Variants in ZNF512 observed in about 807,000 individuals in gnomAD.
ZNF512 encodes zinc finger protein 512.
A neutral mutation model predicts 77.5 loss-of-function variants in ZNF512; 25 were observed. The observed-to-expected ratio is 0.32, with a 90% CI of 0.23 to 0.45. The LOEUF (loss-of-function observed/expected upper bound fraction) is 0.45, where lower values mean the gene tolerates loss of function less well. Ranked by LOEUF, ZNF512 falls within the 20% of genes least tolerant of loss-of-function variation. The pLI is 1.00. For missense variants in ZNF512, 483 were observed against 692.6 expected (o/e 0.70, Z 3.40); for synonymous variants, 246 against 239.9 (o/e 1.03, Z -0.24).
chr2:27,617,356 C>T, intron 12 of ZNF512, 117 bp from the exon 13 acceptor site: 4 of 640,962 alleles, frequency 6.2e-6, no homozygotes, highest in Admixed American at 5.2e-5. Context: ...GATCTTTTTC[C>T]TTCTTATCTT....
At chr2:27,613,206 A>G (rs143754501) in intron 10 of ZNF512, among the ~76,000 whole-genome samples, 1 of 152,040 alleles carries the variant, frequency 6.6e-6, no homozygotes, top group African/African-American at 2.4e-5. Flanking sequence ...TCACTTAATA[A>G]TATAGTTGTG....
chr2:27,613,010 A>C (rs1478900787), intron 10 of ZNF512, among the ~76,000 whole-genome samples: 1 of 152,086 alleles, frequency 6.6e-6, no homozygotes, highest in Non-Finnish European at 1.5e-5. Context: ...CCTCATCCCA[A>C]CTATTCCATT....
chr2:27,607,560 G>T (rs1037092291), intron 9 of ZNF512, among the ~76,000 whole-genome samples: 1 of 152,098 alleles, frequency 6.6e-6, no homozygotes, highest in African/African-American at 2.4e-5. Context: ...TAGAGACAGG[G>T]TTTCACCATG....
chr2:27,608,149 T>C, intron 10 of ZNF512, 110 bp downstream of exon 10: 1 of 1,038,012 alleles, frequency 9.6e-7, no homozygotes, highest in Non-Finnish European at 1.3e-6. Flanking sequence ...AGTATTTTGT[T>C]TGTTTATCTT....
chr2:27,616,109 C>T (rs1221718563), intron 11 of ZNF512, among the ~76,000 whole-genome samples, 153 bp from the exon 12 acceptor site: 2 of 152,128 alleles, frequency 1.3e-5, no homozygotes, highest in Admixed American at 6.5e-5. Flanking sequence ...CCTTCTTTTG[C>T]GGCTTGCATG....
chr2:27,586,716 A>G (rs773780810), intron 2 of ZNF512, among the ~76,000 whole-genome samples: 2 of 152,222 alleles, frequency 1.3e-5, no homozygotes, highest in Non-Finnish European at 2.9e-5. Flanking sequence ...CACAATCAAG[A>G]TAATAAACAT....
At chr2:27,604,640 G>A (rs956008913) in intron 9 of ZNF512, among the ~76,000 whole-genome samples, 9 of 152,120 alleles carry the variant, frequency 5.9e-5, no homozygotes, top group Non-Finnish European at 8.8e-5. Flanking sequence ...AATAAGCCAG[G>A]CATGGTGGTG....
intron 2 of ZNF512, among the ~76,000 whole-genome samples, chr2:27,590,526 A>AGT (rs1219011555): frequency 6.6e-6 from 1 of 152,110 alleles, no homozygotes; most frequent in Admixed American, 6.5e-5. Context: ...TTTTAACTGG[A>AGT]GTGTTTAGAC....
chr2:27,610,582 T>TAAA, intron 10 of ZNF512, among the ~76,000 whole-genome samples: 1 of 52,870 alleles, frequency 1.9e-5, no homozygotes, highest in African/African-American at 9.0e-5. Context: ...TTTTTTTTTT[T>TAAA]TTTTTTTTTT....
intron 10 of ZNF512, among the ~76,000 whole-genome samples, chr2:27,612,661 T>G (rs905935335): frequency 2.6e-5 from 4 of 152,258 alleles, no homozygotes; most frequent in Non-Finnish European, 5.9e-5. Flanking sequence ...TATATTTACT[T>G]ATTTACTCAA....
Position 27,621,986 on chromosome 2 carries a change from C to T in ZNF512, c.*525C>T, listed in dbSNP as rs1673141378. 6.4e-6 allele frequency: 1 copy of T among 156,512 alleles called. No individual in the cohort carries two copies. The highest frequency in any genetic ancestry group is 2.4e-5 in the African/African-American group (1 of 41,464). The allele number at this position is 156,512 out of a possible 1,614,324, so 9.7% of individuals were successfully genotyped here. ...CCTTGGGAAAAAAACTTTATGGAGGCTGTTTGTCCTCTCAATATGGTTTTA... is the reference window on the plus strand; with the variant it reads ...CCTTGGGAAAAAAACTTTATGGAGGTTGTTTGTCCTCTCAATATGGTTTTA... On this transcript the variant is annotated 3_prime_UTR_variant, in exon 14 of 14. Transcript: ENST00000355467.
At chr2:27,618,623 A>T (rs1005977513) in intron 13 of ZNF512, among the ~76,000 whole-genome samples, 1 of 152,230 alleles carries the variant, frequency 6.6e-6, no homozygotes, top group African/African-American at 2.4e-5. Context: ...GGAAGAGAGG[A>T]AGGAAAGAAA....
chr2:27,603,555 T>A (rs1265730658), intron 9 of ZNF512, among the ~76,000 whole-genome samples: 1 of 146,972 alleles, frequency 6.8e-6, no homozygotes, highest in Non-Finnish European at 1.5e-5. Context: ...ATATTTTATA[T>A]CTTATATATT....
intron 2 of ZNF512, among the ~76,000 whole-genome samples, chr2:27,587,978 C>G (rs1465264286): frequency 6.6e-6 from 1 of 151,670 alleles, no homozygotes; most frequent in African/African-American, 2.4e-5. Flanking sequence ...CCGCGCCCAG[C>G]CTTCATCTGT....
chr2:27,620,657 A>G (rs1371843007), intron 13 of ZNF512, among the ~76,000 whole-genome samples: 1 of 152,134 alleles, frequency 6.6e-6, no homozygotes, highest in Non-Finnish European at 1.5e-5. Flanking sequence ...TTTGGCAAAA[A>G]TACTTCATAA....
intron 6 of ZNF512, 52 bp from the exon 7 acceptor site, chr2:27,601,304 A>G: frequency 2.2e-6 from 3 of 1,361,154 alleles, no homozygotes; most frequent in South Asian, 1.3e-5. Context: ...ACTTCATGAC[A>G]TTCTGTTTCT....
At chr2:27,587,651 C>CT (rs11422405) in intron 2 of ZNF512, among the ~76,000 whole-genome samples, 37,251 of 143,966 alleles carry the variant, frequency 0.26, 5,481 homozygotes, top group East Asian at 0.49. Flanking sequence ...TTTTTTTGAT[C>CT]TTTTTTTTTT....
In ZNF512 at chr2:27,622,307, C is replaced by T. The variant is rs868783954; in HGVS notation, c.*846C>T. The T allele has an allele frequency of 1.3e-5, 2 of 152,726 alleles. No individual in the cohort carries two copies. Among genetic ancestry groups the T allele is most frequent in the African/African-American group, 4.8e-5 (2 of 41,442 alleles). 9.5% of individuals were successfully genotyped at this position (152,726 alleles called of 1,614,324 possible). A position where few individuals can be genotyped will look rare whatever the true frequency, so the allele number is the denominator to read the frequency against. ...AGAATTGAGAAATATCACATTGCCCCTGATGTTTTGACAGTCTCCTAGTGC... is the reference window on the plus strand; with the variant it reads ...AGAATTGAGAAATATCACATTGCCCTTGATGTTTTGACAGTCTCCTAGTGC... On this transcript the variant is annotated 3_prime_UTR_variant, in exon 14 of 14. Transcript: ENST00000355467.
At chr2:27,585,862 A>G (rs376041047) in intron 2 of ZNF512, among the ~76,000 whole-genome samples, 2 of 152,200 alleles carry the variant, frequency 1.3e-5, no homozygotes, top group African/African-American at 4.8e-5. Flanking sequence ...TGTTATATGT[A>G]TGGAAAGGGA....
Sources: gnomAD v4.1 joint callset for allele counts (sites outside exome capture counted in the v4.1 genomes callset) on GRCh38, gnomAD v4.1.1 for gene constraint, MANE v1.5 for transcripts, NCBI Gene and HGNC (gene_info 2026-07-23, HGNC 2026-07-21) for gene names.